RRAGD: variants seen among roughly 807,000 people sequenced by gnomAD.
RRAGD encodes the protein ras-related GTP-binding protein D.
In RRAGD, 12 loss-of-function variants were observed where a neutral mutation model predicts 35.5. The ratio of observed to expected loss-of-function variants is 0.34; its 90% confidence interval spans 0.22 to 0.55. RRAGD has a LOEUF of 0.55. Ranked by LOEUF, RRAGD falls within the 20% of genes least tolerant of loss-of-function variation. The probability of loss-of-function intolerance (pLI) is 0.91; values close to 1 mark genes in which losing one functional copy is unlikely to be tolerated. For missense variants in RRAGD, 324 were observed against 490.1 expected (o/e 0.66, Z 3.20); for synonymous variants, 155 against 178.9 (o/e 0.87, Z 1.07).
intron 6 of RRAGD, 56 bp from the exon 7 acceptor site, chr6:89,368,263 T>C: frequency 6.5e-7 from 1 of 1,548,214 alleles, no homozygotes; most frequent in Non-Finnish European, 8.8e-7. Context: ...TCTCCATCTT[T>C]TCATGGGACC....
chr6:89,392,738 T>C (rs1769260674), intron 1 of RRAGD, among the ~76,000 whole-genome samples: 2 of 152,234 alleles, frequency 1.3e-5, no homozygotes, highest in African/African-American at 2.4e-5. Flanking sequence ...AATACTTTGA[T>C]GTTTGAATTT....
chr6:89,380,286 C>A lies in RRAGD; in HGVS notation c.526G>T (p.Val176Leu), dbSNP rs1259522962. Residue 176 changes from valine to leucine, a missense_variant, in exon 3 of 7, where the codon GTG becomes TTG. Val to Leu is a conservative substitution (Grantham distance 32). Transcript: ENST00000369415. ...AGACCATCCACTTTATGAATAAACACCTCGAAGTTGATGTCAGTATTCACT... is the reference window on the plus strand; with the variant it reads ...AGACCATCCACTTTATGAATAAACAACTCGAAGTTGATGTCAGTATTCACT... ...YKVNTDINFE[V>L]FIHKVDGLSD... is the part of the protein sequence containing the mutation. 4 of 1,614,088 alleles carry A rather than the reference C, an allele frequency of 2.5e-6. No homozygotes were observed. The highest frequency in any genetic ancestry group is 1.7e-5 in the Admixed American group (1 of 60,006).
chr6:89,386,237 T>G (rs60806610), intron 2 of RRAGD, among the ~76,000 whole-genome samples: 5,633 of 152,236 alleles, frequency 0.037, 358 homozygotes, highest in African/African-American at 0.13. Flanking sequence ...CAGACATGGA[T>G]AGTTTGGAAA....
chr6:89,368,289 C>T (rs1341519372), intron 6 of RRAGD, 82 bp from the exon 7 acceptor site: 4 of 1,288,542 alleles, frequency 3.1e-6, no homozygotes, highest in Non-Finnish European at 3.2e-6. Context: ...CCAGGACAAG[C>T]CAGTAGGGGG....
At chr6:89,374,926 C>T (rs1421125043) in intron 5 of RRAGD, among the ~76,000 whole-genome samples, 1 of 152,080 alleles carries the variant, frequency 6.6e-6, no homozygotes, top group Non-Finnish European at 1.5e-5. Flanking sequence ...ATCTCTCTTG[C>T]TTATAAGTAA....
chr6:89,389,609 G>GCTCT (rs1348112539), intron 1 of RRAGD, among the ~76,000 whole-genome samples: 4 of 151,630 alleles, frequency 2.6e-5, no homozygotes, highest in Non-Finnish European at 5.9e-5. Flanking sequence ...ACCCTGTAGG[G>GCTCT]CTCTCTCTTT....
chr6:89,399,900 G>A (rs988952855), intron 1 of RRAGD, among the ~76,000 whole-genome samples: 5 of 151,190 alleles, frequency 3.3e-5, no homozygotes, highest in African/African-American at 4.9e-5. Flanking sequence ...CACCATTCCC[G>A]GTCTGGGTGG....
Position 89,412,222 on chromosome 6 carries a change from A to T in RRAGD, c.-229T>A. On this transcript the variant is annotated 5_prime_UTR_variant, in exon 1 of 7. Transcript: ENST00000369415. The surrounding 1 kb of genome is among the most constrained non-coding windows in gnomAD (Gnocchi z 4.2). ...CCCCCGCCCCGCCCGCCGGCGGAGG[A>T]GTCAGCCGGAGCGCGGCAGTTCCTC... The T allele has an allele frequency of 3.5e-6, 1 of 289,580 alleles. No individual in the cohort carries two copies. Among genetic ancestry groups the T allele is most frequent in the Non-Finnish European group, 6.3e-6 (1 of 159,848 alleles). The allele number at this position is 289,580 out of a possible 1,614,324, so 17.9% of individuals were successfully genotyped here.
At chr6:89,399,620 A>AT (rs1332566343) in intron 1 of RRAGD, among the ~76,000 whole-genome samples, 8 of 151,832 alleles carry the variant, frequency 5.3e-5, no homozygotes, top group Non-Finnish European at 7.4e-5. Flanking sequence ...AAAAATATAT[A>AT]TTTTTTTTAA....
Position 89,367,969 on chromosome 6 carries a change from T to G in RRAGD, c.*87A>C. 8.3e-7 allele frequency: 1 copy of G among 1,204,662 alleles called. No homozygotes were observed. Among genetic ancestry groups the G allele is most frequent in the Non-Finnish European group, 1.1e-6 (1 of 882,876 alleles). The allele number at this position is 1,204,662 out of a possible 1,614,324, so 74.6% of individuals were successfully genotyped here. A position where few individuals can be genotyped will look rare whatever the true frequency, so the allele number is the denominator to read the frequency against. On this transcript the variant is annotated 3_prime_UTR_variant, in exon 7 of 7. Coordinates refer to ENST00000369415, the MANE Select transcript of RRAGD (RefSeq NM_021244.5). ...AACAAATCAATGGTATGTGTCCCAATCTCCTTCTTCCTCTTCCTTTAGTGC... is the reference window on the plus strand; with the variant it reads ...AACAAATCAATGGTATGTGTCCCAAGCTCCTTCTTCCTCTTCCTTTAGTGC...
In RRAGD at chr6:89,412,027, G is replaced by A; in HGVS notation, c.-34C>T. On this transcript the variant is annotated 5_prime_UTR_variant, in exon 1 of 7. Transcript: ENST00000369415. This position sits in a 1 kb window ranked among gnomAD's most constrained non-coding sequence, Gnocchi z 4.2. ...CCGGCCGGCCGGCCCGGGGACGGCG[G>A]GGGTCCCGGGGTGGGGGCCAAGCCT... The A allele has an allele frequency of 1.3e-6, 2 of 1,515,084 alleles. No individual in the cohort carries two copies. Among genetic ancestry groups the A allele is most frequent in the Non-Finnish European group, 8.8e-7 (1 of 1,136,562 alleles). 93.9% of individuals were successfully genotyped at this position (1,515,084 alleles called of 1,614,324 possible).
At chr6:89,397,260 T>C (rs1401834792) in intron 1 of RRAGD, among the ~76,000 whole-genome samples, 3 of 152,218 alleles carry the variant, frequency 2.0e-5, no homozygotes, top group Non-Finnish European at 2.9e-5. Context: ...GTGGAGGTAC[T>C]AGAACTCTCA....
rs189911064 is a variant in RRAGD at position 89,378,264 on chromosome 6, T to G, written c.760-451A>C. On this transcript the variant is annotated intron_variant, in intron 4 of 6. Coordinates refer to ENST00000369415, the MANE Select transcript of RRAGD (RefSeq NM_021244.5). ...TAGCGGTGAGCCGAGATGGCGCCATTGCACTCCAGCCTGGGCAACAAGAGC... is the reference window on the plus strand; with the variant it reads ...TAGCGGTGAGCCGAGATGGCGCCATGGCACTCCAGCCTGGGCAACAAGAGC... Among the ~76,000 whole-genome samples, 1,303 of 151,018 alleles carry G rather than the reference T, an allele frequency of 8.6e-3. 13 individuals carry two copies. Among genetic ancestry groups the G allele is most frequent in the African/African-American group, 0.024 (980 of 40,908 alleles).
chr6:89,411,643 C>A lies in RRAGD; in HGVS notation c.148+203G>T. 1.7e-6 allele frequency: 1 copy of A among 595,082 alleles called. No homozygotes were observed. 36.9% of individuals were successfully genotyped at this position (595,082 alleles called of 1,614,324 possible). A position where few individuals can be genotyped will look rare whatever the true frequency, so the allele number is the denominator to read the frequency against. The stretch of plus-strand genomic sequence containing the variant: ...CCCCTTTTCCACCGATCCTGGTTGC[C>A]CCTCCGCCACCAGCACCGCGCTCCC... On this transcript the variant is annotated intron_variant, in intron 1 of 6. Transcript: ENST00000369415. The surrounding 1 kb of genome is among the most constrained non-coding windows in gnomAD (Gnocchi z 5.6).
chr6:89,406,174 TA>T (rs35533135), intron 1 of RRAGD, among the ~76,000 whole-genome samples: 3,154 of 152,228 alleles, frequency 0.021, 108 homozygotes, highest in African/African-American at 0.072. Context: ...ATGTATTCAG[TA>T]GCAGTCCTAA....
chr6:89,404,239 A>G (rs1332008762), intron 1 of RRAGD, among the ~76,000 whole-genome samples: 1 of 152,230 alleles, frequency 6.6e-6, no homozygotes. Flanking sequence ...TTGTAGCTTA[A>G]CAAAATTAAA....
chr6:89,411,867 C>G lies in RRAGD; in HGVS notation c.127G>C (p.Asp43His), dbSNP rs1460535286. ...DGPDSSDADP[D>H]SGTEEGVLDF... ...TCACCTCCCTCCTCTGTGCCGCTGT[C>G]CGGATCGGCGTCGGAGGAGTCGGGC... is the stretch of plus-strand genomic sequence containing the variant. The change falls in exon 1 of 7, where the codon GAC (aspartate) becomes CAC (histidine). Residue 43 changes from aspartate to histidine, a missense_variant. Coordinates refer to ENST00000369415, the MANE Select transcript of RRAGD (RefSeq NM_021244.5). This position sits in a 1 kb window ranked among gnomAD's most constrained non-coding sequence, Gnocchi z 5.6. The G allele has an allele frequency of 7.1e-6, 11 of 1,550,722 alleles. No homozygotes were observed. Among genetic ancestry groups the G allele is most frequent in the Non-Finnish European group, 7.0e-6 (8 of 1,150,592 alleles).
intron 2 of RRAGD, among the ~76,000 whole-genome samples, chr6:89,382,786 G>A (rs1218919548): frequency 6.6e-6 from 1 of 152,014 alleles, no homozygotes; most frequent in African/African-American, 2.4e-5. Flanking sequence ...TGAGGCAGGA[G>A]AATTGCTTAA....
chr6:89,389,537 C>T (rs1053903502), intron 1 of RRAGD, among the ~76,000 whole-genome samples: 4 of 124,928 alleles, frequency 3.2e-5, no homozygotes, highest in South Asian at 2.5e-4. Context: ...GCCTGAGCAA[C>T]AGTGTGAGAC....
Sources: allele counts gnomAD v4.1 joint callset (sites outside exome capture counted in the v4.1 genomes callset), GRCh38; gene constraint gnomAD v4.1.1; non-coding constraint Gnocchi (gnomAD v3.1); transcripts MANE v1.5; gene names NCBI Gene and HGNC (gene_info 2026-07-23, HGNC 2026-07-21).